The following ZFHX3 variants were observed in gnomAD, a reference collection of about 807,000 sequenced individuals.
ZFHX3 encodes zinc finger homeobox 3.
Under a neutral mutation model 279.1 loss-of-function variants are expected in ZFHX3, and 42 were observed. The ratio of observed to expected loss-of-function variants is 0.15; its 90% CI spans 0.12 to 0.19. ZFHX3 has a LOEUF of 0.19. Ranked by LOEUF, ZFHX3 falls within the 10% of genes least tolerant of loss-of-function variation. The probability of loss-of-function intolerance (pLI) is 1.00; values close to 1 mark genes in which losing one functional copy is unlikely to be tolerated. For missense variants in ZFHX3, 4,981 were observed against 4,754.0 expected (o/e 1.05, Z -1.40); for synonymous variants, 2,293 against 1,957.8 (o/e 1.17, Z -4.52).
At chr16:73,840,170 G>C (rs1961265275) in intron 1 of ZFHX3, among the ~76,000 whole-genome samples, 1 of 152,130 alleles carries the variant, frequency 6.6e-6, no homozygotes, top group South Asian at 2.1e-4. Context: ...GCTAAAGTGA[G>C]GATGCTGGGC....
chr16:73,377,804 C>T (rs1228398718), intron 3 of ZFHX3, among the ~76,000 whole-genome samples: 7 of 151,312 alleles, frequency 4.6e-5, no homozygotes, highest in Non-Finnish European at 7.4e-5. Context: ...GAGGCTGAGG[C>T]GGGCAGATCA....
chr16:73,335,265 A>C (rs1262438193), intron 3 of ZFHX3, among the ~76,000 whole-genome samples: 1 of 152,186 alleles, frequency 6.6e-6, no homozygotes, highest in African/African-American at 2.4e-5. Flanking sequence ...AAATGAAGAC[A>C]GGTTTATTTT....
At chr16:73,348,376 T>C (rs974855703) in intron 3 of ZFHX3, among the ~76,000 whole-genome samples, 2 of 152,320 alleles carry the variant, frequency 1.3e-5, no homozygotes, top group African/African-American at 4.8e-5. Flanking sequence ...CAAGGGTCCT[T>C]CACCTTTGGG....
intron 2 of ZFHX3, among the ~76,000 whole-genome samples, chr16:73,460,443 T>G (rs6564247): frequency 0.66 from 100,949 of 152,092 alleles, 33,910 homozygotes; most frequent in Non-Finnish European, 0.72. Context: ...TGTACAGTAT[T>G]TTGTGTGAAC....
chr16:73,533,231 T>C (rs889356764), intron 2 of ZFHX3, among the ~76,000 whole-genome samples: 2 of 151,930 alleles, frequency 1.3e-5, no homozygotes, highest in East Asian at 3.9e-4. Flanking sequence ...GGGCTTGGCT[T>C]CCTACTTCAC....
intron 8 of ZFHX3, among the ~76,000 whole-genome samples, chr16:73,091,094 C>T (rs892262338): frequency 6.6e-6 from 1 of 151,772 alleles, no homozygotes; most frequent in Admixed American, 6.6e-5. Flanking sequence ...GCCTGTAGTC[C>T]CAGCTACTCG....
chr16:73,422,076 T>C (rs2017729000), intron 3 of ZFHX3, among the ~76,000 whole-genome samples: 1 of 152,196 alleles, frequency 6.6e-6, no homozygotes, highest in Non-Finnish European at 1.5e-5. Context: ...CAGGTTATCT[T>C]CTGGATGTTC....
At chr16:72,862,830 A>G (rs1332207651) in intron 4 of ZFHX3, among the ~76,000 whole-genome samples, 1 of 141,102 alleles carries the variant, frequency 7.1e-6, no homozygotes, top group Non-Finnish European at 1.5e-5. Flanking sequence ...CAAAATTGCA[A>G]GGAAGGAAAA....
chr16:73,670,526 G>A (rs1165908460), intron 2 of ZFHX3, among the ~76,000 whole-genome samples: 5 of 152,086 alleles, frequency 3.3e-5, no homozygotes, highest in Non-Finnish European at 7.4e-5. Flanking sequence ...TGTCTTTAGC[G>A]TTTTCCCAAA....
chr16:73,563,161 TTTG>T (rs1358032023), intron 2 of ZFHX3, among the ~76,000 whole-genome samples: 3 of 148,404 alleles, frequency 2.0e-5, no homozygotes, highest in African/African-American at 5.0e-5. Flanking sequence ...TTTTGTTTTT[TTTG>T]TTTTGTTGTG....
At chr16:73,678,234 T>A (rs2052974469) in intron 2 of ZFHX3, among the ~76,000 whole-genome samples, 1 of 152,136 alleles carries the variant, frequency 6.6e-6, no homozygotes. Flanking sequence ...TACACGCATG[T>A]GTGAACAGCA....
chr16:73,309,572 G>C (rs1304561977), intron 4 of ZFHX3, among the ~76,000 whole-genome samples: 2 of 152,184 alleles, frequency 1.3e-5, no homozygotes, highest in Non-Finnish European at 2.9e-5. Flanking sequence ...AGCGACAGAT[G>C]AGAGTGGGGT....
At chr16:73,433,161 G>A (rs1033986989) in intron 3 of ZFHX3, among the ~76,000 whole-genome samples, 3 of 152,164 alleles carry the variant, frequency 2.0e-5, no homozygotes, top group Admixed American at 6.5e-5. Context: ...TAGGCAGGTC[G>A]GGGCCTGCTG....
intron 2 of ZFHX3, among the ~76,000 whole-genome samples, chr16:73,541,573 A>C (rs1264947348): frequency 2.0e-5 from 3 of 152,162 alleles, no homozygotes; most frequent in African/African-American, 7.2e-5. Context: ...TTTATTTGGC[A>C]GATGACCTAG....
At chr16:72,835,552 A>G (rs975467135) in intron 4 of ZFHX3, among the ~76,000 whole-genome samples, 2 of 152,202 alleles carry the variant, frequency 1.3e-5, no homozygotes, top group African/African-American at 4.8e-5. Flanking sequence ...TTGAAGATAG[A>G]GTTAAAGCTT....
At chr16:72,872,852 C>G (rs1032336266) in intron 4 of ZFHX3, among the ~76,000 whole-genome samples, 1 of 152,270 alleles carries the variant, frequency 6.6e-6, no homozygotes, top group East Asian at 1.9e-4. Context: ...ACTAGACTTC[C>G]GAAAGATGGA....
chr16:73,641,294 G>A (rs749241611), intron 2 of ZFHX3, among the ~76,000 whole-genome samples: 5 of 152,140 alleles, frequency 3.3e-5, no homozygotes, highest in Non-Finnish European at 7.3e-5. Flanking sequence ...AAAACCAGGA[G>A]AGAGGAAATG....
intron 1 of ZFHX3, among the ~76,000 whole-genome samples, chr16:73,888,875 T>G (rs183007664): frequency 0.016 from 2,406 of 151,592 alleles, 29 homozygotes; most frequent in Non-Finnish European, 0.023. Flanking sequence ...AGGATCCCTG[T>G]TCCCCCAACG....
intron 3 of ZFHX3, among the ~76,000 whole-genome samples, chr16:73,447,380 T>C (rs1334455100): frequency 6.6e-6 from 1 of 152,042 alleles, no homozygotes; most frequent in Non-Finnish European, 1.5e-5. Flanking sequence ...CAACGCTGCT[T>C]TTAACCATAC....
Sources: gnomAD v4.1 joint callset for allele counts (sites outside exome capture counted in the v4.1 genomes callset) on GRCh38, gnomAD v4.1.1 for gene constraint, MANE v1.5 for transcripts, NCBI Gene and HGNC (gene_info 2026-07-23, HGNC 2026-07-21) for gene names.